ALCAM: variants seen among roughly 807,000 people sequenced by gnomAD.
ALCAM encodes activated leukocyte cell adhesion molecule.
ALCAM carries 30 observed loss-of-function variants against 70.9 expected under a neutral mutation model. The ratio of observed to expected loss-of-function variants is 0.42; its 90% CI spans 0.32 to 0.57. The LOEUF is 0.57. ALCAM is among the 20% of genes least tolerant of loss of function. The pLI, the probability that ALCAM is intolerant of heterozygous loss-of-function variation, is 0.11. For missense variants in ALCAM, 591 were observed against 695.1 expected, an observed-to-expected ratio of 0.85 and a Z score of 1.68; for synonymous variants, 249 against 242.5, an observed-to-expected ratio of 1.03 and a Z score of -0.25.
In ALCAM at chr3:105,550,117, C is replaced by G. The variant is rs1268180832; in HGVS notation, c.1375-10C>G. 1 of 1,570,468 alleles carries G rather than the reference C, an allele frequency of 6.4e-7. No homozygotes were observed. Among genetic ancestry groups the G allele is most frequent in the Non-Finnish European group, 8.7e-7 (1 of 1,152,782 alleles). ...GATTTCTAAACCCACCTTTTTTCTTCTTTTTCCAGACAGAGGAATCTCCTT... is the reference window on the plus strand; with the variant it reads ...GATTTCTAAACCCACCTTTTTTCTTGTTTTTCCAGACAGAGGAATCTCCTT... On this transcript the variant is annotated splice_polypyrimidine_tract_variant and intron_variant, in intron 11 of 15. Coordinates refer to ENST00000306107, the MANE Select transcript of ALCAM (RefSeq NM_001627.4).
At chr3:105,523,378 C>G (rs1939605785) in intron 2 of ALCAM, among the ~76,000 whole-genome samples, 1 of 152,124 alleles carries the variant, frequency 6.6e-6, no homozygotes, top group Non-Finnish European at 1.5e-5. Context: ...GCAAATAAAA[C>G]TTTTGGACTC....
chr3:105,483,706 A>T (rs1938340811), intron 1 of ALCAM, among the ~76,000 whole-genome samples: 1 of 152,128 alleles, frequency 6.6e-6, no homozygotes, highest in African/African-American at 2.4e-5. Flanking sequence ...AATCTAAACA[A>T]CTGCAGTCAG....
At chr3:105,537,122 C>T (rs182740419) in intron 6 of ALCAM, among the ~76,000 whole-genome samples, 3 of 152,100 alleles carry the variant, frequency 2.0e-5, no homozygotes, top group Admixed American at 2.0e-4. Flanking sequence ...CTTGAGAAAG[C>T]TTGAGAAAAA....
chr3:105,461,458 G>C (rs78045578), intron 1 of ALCAM, among the ~76,000 whole-genome samples: 2,344 of 151,772 alleles, frequency 0.015, 31 homozygotes, highest in African/African-American at 0.033. Flanking sequence ...ATTGAAGAGT[G>C]GTCTAAGCCA....
chr3:105,415,607 A>G (rs888446580), intron 1 of ALCAM, among the ~76,000 whole-genome samples: 1 of 152,140 alleles, frequency 6.6e-6, no homozygotes, highest in African/African-American at 2.4e-5. Flanking sequence ...TTGGTCACAC[A>G]TAAATTAGTT....
chr3:105,531,341 C>T (rs1481939214), intron 3 of ALCAM: 1 of 152,044 alleles, frequency 6.6e-6, no homozygotes, highest in Non-Finnish European at 1.5e-5. Flanking sequence ...GAAAGATTTT[C>T]TCACATTTAC....
intron 3 of ALCAM, among the ~76,000 whole-genome samples, chr3:105,525,616 T>C (rs1373696593): frequency 6.6e-6 from 1 of 152,156 alleles, no homozygotes; most frequent in Non-Finnish European, 1.5e-5. Flanking sequence ...AGCAAGTAAC[T>C]ATGGATTTTT....
chr3:105,562,372 C>G (rs1177865307), intron 14 of ALCAM, among the ~76,000 whole-genome samples: 1 of 152,142 alleles, frequency 6.6e-6, no homozygotes, highest in Non-Finnish European at 1.5e-5. Context: ...TGGATTTTCT[C>G]AAATGTTCTT....
intron 1 of ALCAM, among the ~76,000 whole-genome samples, chr3:105,486,034 A>G (rs1938419627): frequency 6.6e-6 from 1 of 152,084 alleles, no homozygotes; most frequent in South Asian, 2.1e-4. Context: ...TTGGTATGAA[A>G]CTTTTTGGAT....
chr3:105,433,170 T>C (rs1157241086), intron 1 of ALCAM, among the ~76,000 whole-genome samples: 2 of 152,178 alleles, frequency 1.3e-5, no homozygotes, highest in East Asian at 1.9e-4. Context: ...TAGTTTAATT[T>C]TTCTGCTATT....
intron 1 of ALCAM, among the ~76,000 whole-genome samples, chr3:105,451,180 C>T (rs944857411): frequency 4.0e-5 from 6 of 151,840 alleles, no homozygotes; most frequent in Admixed American, 1.3e-4. Flanking sequence ...GGGAGGATTG[C>T]TGTAGCTAAG....
intron 14 of ALCAM, among the ~76,000 whole-genome samples, chr3:105,554,192 GA>G (rs1458475155): frequency 6.6e-6 from 1 of 151,830 alleles, no homozygotes; most frequent in Non-Finnish European, 1.5e-5. Flanking sequence ...GGAAGCTGGA[GA>G]CACAGTAGAG....
At chr3:105,458,148 C>T (rs1937558873) in intron 1 of ALCAM, among the ~76,000 whole-genome samples, 4 of 151,252 alleles carry the variant, frequency 2.6e-5, no homozygotes, top group Admixed American at 2.6e-4. Context: ...AACTAGGGGC[C>T]TCACTTCATT....
rs745646740 is a variant in ALCAM, at chr3:105,533,603, T to C, written c.460T>C (p.Leu154=). 8 of 1,610,608 alleles carry C rather than the reference T, an allele frequency of 5.0e-6. No individual in the cohort carries two copies. The highest frequency in any genetic ancestry group is 1.1e-5 in the South Asian group (1 of 90,894). Residue 154 remains leucine, a splice_region_variant and synonymous_variant, in exon 5 of 16, where the codon TTG becomes CTG. Transcript: ENST00000306107. The part of the protein sequence containing the change: ...LFLETEQLKK[L]GDCISEDSYP... ...ATAACATTGCCTTTTTATTTTGCAG[T>C]TGGGTGACTGCATTTCAGAAGACAG...
rs111846974 is a variant in ALCAM at position 105,521,653 on chromosome 3, G to A, written c.174+1486G>A. ...GAGATAAAAATATCTTCCTCATAGTGTTGTTGTCAGAGTACCCGAAGAAAT... is the reference window on the plus strand; with the variant it reads ...GAGATAAAAATATCTTCCTCATAGTATTGTTGTCAGAGTACCCGAAGAAAT... On this transcript the variant is annotated intron_variant, in intron 2 of 15. Coordinates refer to ENST00000306107, the MANE Select transcript of ALCAM (RefSeq NM_001627.4). 4.4e-3 allele frequency among the ~76,000 whole-genome samples: 667 copies of A among 152,260 alleles called. 5 individuals are homozygous for A. The highest frequency in any genetic ancestry group is 0.015 in the African/African-American group (629 of 41,534).
At chr3:105,502,589 T>C (rs1370235923) in intron 1 of ALCAM, among the ~76,000 whole-genome samples, 1 of 152,220 alleles carries the variant, frequency 6.6e-6, no homozygotes, top group Non-Finnish European at 1.5e-5. Context: ...GTTTGCTCAA[T>C]TACCCTTTTG....
At chr3:105,528,352 G>A (rs1199426672) in intron 3 of ALCAM, among the ~76,000 whole-genome samples, 1 of 152,106 alleles carries the variant, frequency 6.6e-6, no homozygotes, top group Non-Finnish European at 1.5e-5. Context: ...AACAAAAGGA[G>A]CTGTCTATTT....
intron 1 of ALCAM, among the ~76,000 whole-genome samples, chr3:105,411,382 A>G (rs145569121): frequency 6.6e-6 from 1 of 152,062 alleles, no homozygotes; most frequent in African/African-American, 2.4e-5. Flanking sequence ...AGCAGCATCC[A>G]CAGCAGCAGA....
intron 14 of ALCAM, among the ~76,000 whole-genome samples, chr3:105,556,697 T>C (rs1330732064): frequency 6.6e-6 from 1 of 151,994 alleles, no homozygotes; most frequent in Non-Finnish European, 1.5e-5. Flanking sequence ...TGTTGGTGTC[T>C]CTTAATATAT....
Sources: allele counts gnomAD v4.1 joint callset (sites outside exome capture counted in the v4.1 genomes callset), GRCh38; gene constraint gnomAD v4.1.1; transcripts MANE v1.5; gene names NCBI Gene and HGNC (gene_info 2026-07-23, HGNC 2026-07-21).